AHNAK: variants seen among roughly 807,000 people sequenced by gnomAD.
The protein encoded by AHNAK is neuroblast differentiation-associated protein AHNAK.
A neutral mutation model predicts 37.8 loss-of-function variants in AHNAK; 23 were observed. That is an observed-to-expected ratio of 0.61 (90% confidence interval 0.44 to 0.86). The LOEUF (loss-of-function observed/expected upper bound fraction) is 0.86, where lower values mean the gene tolerates loss of function less well. AHNAK is among the 40% of genes least tolerant of loss of function. The pLI is 0.00. For synonymous variants in AHNAK, 2,481 were observed against 2,636.3 expected (o/e 0.94, Z 1.80); for missense variants, 7,411 against 7,319.4 (o/e 1.01, Z -0.46).
chr11:62,515,240 C>G (rs747009965), downstream of AHNAK, among the ~76,000 whole-genome samples: 2 of 152,188 alleles, frequency 1.3e-5, no homozygotes, highest in Non-Finnish European at 2.9e-5. Flanking sequence ...GCACCCTGGC[C>G]GGGCGCAGTG....
At position 62,533,949 on chromosome 11, in the gene AHNAK, C is replaced by T. The variant is rs765885455; in HGVS notation, c.468G>A (p.Arg156=). The change falls in exon 5 of 5, where the codon AGG becomes AGA. Residue 156 remains arginine, a synonymous_variant. Transcript: ENST00000378024. ...TQSRTITVTR[R]VTAYTVDVTG... ...TCACATCCACAGTGTAGGCCGTGAC[C>T]CTTCTGGTCACTGTGATGGTACGGC... The T allele has an allele frequency of 6.2e-7, 1 of 1,614,080 alleles. No homozygotes were observed. The highest frequency in any genetic ancestry group is 1.1e-5 in the South Asian group (1 of 91,068).
chr11:62,468,141 G>T (rs1457551820), intron 5 of AHNAK, among the ~76,000 whole-genome samples: 1 of 152,082 alleles, frequency 6.6e-6, no homozygotes, highest in South Asian at 2.1e-4. Flanking sequence ...TTGAGGTCAG[G>T]AGTTTGAGAC....
At position 62,517,270 on chromosome 11, in the gene AHNAK, T is replaced by C. The variant is rs746015613; in HGVS notation, c.17147A>G (p.Lys5716Arg). 7.4e-6 allele frequency: 12 copies of C among 1,614,130 alleles called. No homozygotes were observed. Among genetic ancestry groups the C allele is most frequent in the East Asian group, 2.2e-5 (1 of 44,880 alleles). Residue 5716 changes from lysine (K) to arginine (R), a missense_variant, in exon 5 of 5, where the codon AAG (lysine) becomes AGG (arginine). By Grantham distance (26) the Lys-to-Arg change is conservative. Transcript: ENST00000378024. The stretch of plus-strand genomic sequence containing the variant: ...CCCTTTAGGTTTGGAAAAATTAAAC[T>C]TGGGCATTTTGATCTTGGACTTTTT... The part of the protein sequence containing the change: ...KLKKSKIKMP[K>R]FNFSKPKGKG...
At chr11:62,472,898 C>A (rs1482526016) in intron 5 of AHNAK, among the ~76,000 whole-genome samples, 1 of 150,116 alleles carries the variant, frequency 6.7e-6, no homozygotes, top group Non-Finnish European at 1.5e-5. Context: ...ACCAGCCTGG[C>A]CAACATAGTG....
intron 5 of AHNAK, among the ~76,000 whole-genome samples, chr11:62,441,149 TG>T (rs1248306837): frequency 6.6e-6 from 1 of 151,938 alleles, no homozygotes; most frequent in Non-Finnish European, 1.5e-5. Context: ...TACAAGTGTG[TG>T]CCACCACGCC....
At chr11:62,534,923 A>G in intron 4 of AHNAK, 80 bp downstream of exon 4, 6 of 1,474,890 alleles carry the variant, frequency 4.1e-6, no homozygotes, top group African/African-American at 1.4e-5. Context: ...CCGGAGGCAC[A>G]TGGAAGGCTC....
chr11:62,523,508 T>G lies in AHNAK; in HGVS notation c.10909A>C (p.Asn3637His), dbSNP rs148626265. The G allele has an allele frequency of 2.4e-5, 38 of 1,614,088 alleles. No homozygotes were observed. In the African/African-American group the frequency reaches 3.9e-4, roughly 16 times the overall value. Residue 3637 changes from asparagine to histidine, a missense_variant, in exon 5 of 5, where the codon AAT becomes CAT. Transcript: ENST00000378024. ...ACGTCTGGAACATCAACGTCTACAT[T>G]GGGACCAGAAATGTCAATGTCAGCT... ...PKADIDISGP[N>H]VDVDVPDVNI...
In AHNAK at chr11:62,522,920, G is replaced by T. The variant is rs1940319575; in HGVS notation, c.11497C>A (p.Leu3833Ile). ...TCCACCTTGGGTCCTGAGACATCAA[G>T]GTCAGCCTTGGGCAGGTTCACATCC... ...DVDVNLPKAD[L>I]DVSGPKVDID... Residue 3833 changes from leucine (L) to isoleucine (I), a missense_variant, in exon 5 of 5, where the codon CTT becomes ATT. Leu to Ile is a conservative substitution (Grantham distance 5). Transcript: ENST00000378024. The T allele has an allele frequency of 2.5e-6, 4 of 1,612,842 alleles. No homozygotes were observed. Among genetic ancestry groups the T allele is most frequent in the Middle Eastern group, 3.3e-4 (2 of 6,056 alleles).
Position 62,519,984 on chromosome 11 carries a change from G to A in AHNAK, c.14433C>T (p.Val4811=), listed in dbSNP as rs769926662. 2 of 1,613,492 alleles carry A rather than the reference G, an allele frequency of 1.2e-6. No homozygotes were observed. Among genetic ancestry groups the A allele is most frequent in the African/African-American group, 2.7e-5 (2 of 74,710 alleles). ...DVSLPKADID[V]SGPKVDVDIP... ...TATCAACGTCCACCTTGGGTCCCGA[G>A]ACATCGATGTCGGCCTTGGGCAGGC... The change falls in exon 5 of 5, where the codon GTC becomes GTT. Residue 4811 remains valine (V), a synonymous_variant. Transcript: ENST00000378024.
chr11:62,480,045 G>C (rs1939234093), intron 5 of AHNAK, among the ~76,000 whole-genome samples: 1 of 152,096 alleles, frequency 6.6e-6, no homozygotes, highest in Non-Finnish European at 1.5e-5. Context: ...CTGATTTCAA[G>C]CAGGAGGGTA....
chr11:62,461,232 A>T (rs1407452912), intron 5 of AHNAK, among the ~76,000 whole-genome samples: 1 of 112,340 alleles, frequency 8.9e-6, no homozygotes. Context: ...TGCAACCTCC[A>T]CCTCCCAGGT....
intron 5 of AHNAK, among the ~76,000 whole-genome samples, chr11:62,463,800 A>G (rs1381588212): frequency 6.6e-6 from 1 of 151,752 alleles, no homozygotes; most frequent in Non-Finnish European, 1.5e-5. Flanking sequence ...GTCTTGCTCT[A>G]TCCCCCAGGC....
chr11:62,474,518 T>C (rs188518681), intron 5 of AHNAK, among the ~76,000 whole-genome samples: 263 of 152,258 alleles, frequency 1.7e-3, no homozygotes, highest in African/African-American at 5.9e-3. Context: ...CCCCAGTGAT[T>C]CTTATGCACC....
chr11:62,519,295 C>T lies in AHNAK; in HGVS notation c.15122G>A (p.Gly5041Glu). 1 of 1,614,110 alleles carries T rather than the reference C, an allele frequency of 6.2e-7. No individual in the cohort carries two copies. The highest frequency in any genetic ancestry group is 8.5e-7 in the Non-Finnish European group (1 of 1,179,998). Residue 5041 changes from glycine to glutamate, a missense_variant, in exon 5 of 5, where the codon GGA becomes GAA. Physicochemically the swap from Gly to Glu is moderately conservative, Grantham distance 98. Coordinates refer to ENST00000378024, the MANE Select transcript of AHNAK (RefSeq NM_001620.3). ...SGPKIKAKKQ[G>E]FDLNVPGGEI... ...ACCCCCAGGAACATTCAGGTCAAATCCCTGTTTTTTGGCCTTAATCTTAGG... is the reference window on the plus strand; with the variant it reads ...ACCCCCAGGAACATTCAGGTCAAATTCCTGTTTTTTGGCCTTAATCTTAGG...
chr11:62,530,815 T>C lies in AHNAK; in HGVS notation c.3602A>G (p.Asp1201Gly). The C allele has an allele frequency of 6.2e-7, 1 of 1,613,686 alleles. No individual in the cohort carries two copies. Among genetic ancestry groups the C allele is most frequent in the Non-Finnish European group, 8.5e-7 (1 of 1,179,952 alleles). Reference protein sequence around the residue: ...KTPKISMPDVDLHLKGPKVKG... With the variant: ...KTPKISMPDVGLHLKGPKVKG... ...GACTTTGGGGCCTTTCAAGTGTAAG[T>C]CCACATCAGGCATGGAGATCTTGGG... Residue 1201 changes from aspartate (D) to glycine (G), a missense_variant, in exon 5 of 5, where the codon GAC becomes GGC. Coordinates refer to ENST00000378024, the MANE Select transcript of AHNAK (RefSeq NM_001620.3).
chr11:62,486,020 C>CAA (rs139783265), intron 5 of AHNAK, among the ~76,000 whole-genome samples: 42 of 68,014 alleles, frequency 6.2e-4, no homozygotes, highest in Non-Finnish European at 7.3e-4. Flanking sequence ...GACTTTGTCT[C>CAA]AAAAAAAAAA....
In AHNAK at chr11:62,525,112, C is replaced by G. The variant is rs759279435; in HGVS notation, c.9305G>C (p.Gly3102Ala). The change falls in exon 5 of 5, where the codon GGT becomes GCT. Residue 3102 changes from glycine to alanine, a missense_variant. Physicochemically the swap from Gly to Ala is moderately conservative, Grantham distance 60 (BLOSUM62 0). Transcript: ENST00000378024. ...ATCCATGTCACCCTTCACTTTGGGA[C>G]CTTTCAGGTTAAGATCAATGTCAGG... ...SMPDIDLNLK[G>A]PKVKGDMDVS... 1 of 1,614,114 alleles carries G rather than the reference C, an allele frequency of 6.2e-7. No homozygotes were observed. Among genetic ancestry groups the G allele is most frequent in the Admixed American group, 1.7e-5 (1 of 60,010 alleles).
At chr11:62,469,379 C>A (rs891766401) in intron 5 of AHNAK, among the ~76,000 whole-genome samples, 1 of 152,024 alleles carries the variant, frequency 6.6e-6, no homozygotes, top group African/African-American at 2.4e-5. Flanking sequence ...GCCTCAGCCT[C>A]CCAAAGTGCT....
In AHNAK at chr11:62,535,310, T is replaced by C. The variant is rs146253813; in HGVS notation, c.155-120A>G. 3.6e-3 allele frequency: 3,204 copies of C among 889,472 alleles called. 13 individuals carry two copies. Among genetic ancestry groups the C allele is most frequent in the Non-Finnish European group, 4.7e-3 (2,739 of 578,450 alleles). The allele number at this position is 889,472 out of a possible 1,614,324, so 55.1% of individuals were successfully genotyped here. On this transcript the variant is annotated intron_variant, in intron 3 of 4. Coordinates refer to ENST00000378024, the MANE Select transcript of AHNAK (RefSeq NM_001620.3). ...TCATGACCACCCTGCAAGGTGGGCATGGTAATACCCATTGTACAGACACGG... is the reference window on the plus strand; with the variant it reads ...TCATGACCACCCTGCAAGGTGGGCACGGTAATACCCATTGTACAGACACGG...
Sources: allele counts gnomAD v4.1 joint callset (sites outside exome capture counted in the v4.1 genomes callset), GRCh38; gene constraint gnomAD v4.1.1; transcripts MANE v1.5; gene names NCBI Gene and HGNC (gene_info 2026-07-23, HGNC 2026-07-21).